Variants in FBXW7 observed in about 807,000 individuals in gnomAD.
FBXW7 encodes the protein F-box and WD repeat domain containing 7.
In FBXW7, 11 loss-of-function variants were observed where a neutral mutation model predicts 86.3. The observed-to-expected ratio is 0.13, with a 90% CI of 0.08 to 0.21. The LOEUF (loss-of-function observed/expected upper bound fraction) is 0.21. Among genes scored for constraint, FBXW7 ranks in the 10% least tolerant of loss-of-function variants. The probability of loss-of-function intolerance (pLI) is 1.00; values close to 1 mark genes in which losing one functional copy is unlikely to be tolerated. For synonymous variants in FBXW7, 313 were observed against 297.9 expected (o/e 1.05, Z -0.52); for missense variants, 488 against 847.4 (o/e 0.58, Z 5.27).
intron 2 of FBXW7, among the ~76,000 whole-genome samples, chr4:152,518,117 T>C (rs758093904): frequency 6.6e-6 from 1 of 151,898 alleles, no homozygotes; most frequent in African/African-American, 2.4e-5. Flanking sequence ...GCCTCCAGAG[T>C]AGCTGGGATT....
Position 152,332,675 on chromosome 4 carries a change from T to C in FBXW7, c.906A>G (p.Leu302=). The change falls in exon 8 of 14, where the codon CTA becomes CTG. Residue 302 remains leucine, a synonymous_variant. Transcript: ENST00000281708. ...AGTAGCGACATGTCTGAGCTGCTTG[T>C]AGCAGGTCTTTGGGTTCCAGGAATG... ...VLSFLEPKDL[L]QAAQTCRYWR... is the part of the protein sequence containing the mutation. 2 of 1,602,800 alleles carry C rather than the reference T, an allele frequency of 1.2e-6. No homozygotes were observed. Among genetic ancestry groups the C allele is most frequent in the South Asian group, 2.2e-5 (2 of 90,312 alleles).
intron 2 of FBXW7, among the ~76,000 whole-genome samples, chr4:152,522,899 A>G (rs2149734016): frequency 6.6e-6 from 1 of 152,336 alleles, no homozygotes; most frequent in East Asian, 1.9e-4. Context: ...AACCCAAACA[A>G]TGATGGCTCA....
intron 10 of FBXW7, 50 bp downstream of exon 10, chr4:152,329,622 T>C (rs377714653): frequency 6.1e-5 from 54 of 880,306 alleles, no homozygotes; most frequent in African/African-American, 8.8e-5. Context: ...CTACTTGCAA[T>C]GATATACACA....
At chr4:152,338,686 C>T (rs564033204) in intron 6 of FBXW7, among the ~76,000 whole-genome samples, 15 of 151,982 alleles carry the variant, frequency 9.9e-5, no homozygotes, top group Non-Finnish European at 1.9e-4. Flanking sequence ...GTGAAGAACA[C>T]CTGCACAGAA....
At chr4:152,331,130 G>A (rs1219644780) in intron 8 of FBXW7, among the ~76,000 whole-genome samples, 3 of 151,960 alleles carry the variant, frequency 2.0e-5, no homozygotes, top group Non-Finnish European at 1.5e-5. Flanking sequence ...TGAGGAAATT[G>A]GAATGCTTGT....
chr4:152,474,228 T>C (rs535568482), intron 2 of FBXW7, among the ~76,000 whole-genome samples: 1 of 152,364 alleles, frequency 6.6e-6, no homozygotes, highest in South Asian at 2.1e-4. Flanking sequence ...CCTTAAAAGA[T>C]GCACAATGAA....
intron 4 of FBXW7, among the ~76,000 whole-genome samples, chr4:152,357,136 T>C (rs1049216933): frequency 6.6e-6 from 1 of 152,112 alleles, no homozygotes; most frequent in African/African-American, 2.4e-5. Context: ...ACTAGTGCCT[T>C]AGAAAAAAAT....
intron 2 of FBXW7, among the ~76,000 whole-genome samples, chr4:152,487,037 A>C (rs1399495977): frequency 6.6e-6 from 1 of 152,160 alleles, no homozygotes; most frequent in Non-Finnish European, 1.5e-5. Context: ...ATTTTAGTTC[A>C]CCGAATTAAT....
chr4:152,422,010 A>G (rs141996156), intron 2 of FBXW7, among the ~76,000 whole-genome samples: 75 of 152,262 alleles, frequency 4.9e-4, no homozygotes, highest in Middle Eastern at 3.4e-3. Flanking sequence ...GGACACAGAG[A>G]CACACAGTGA....
chr4:152,362,339 A>T (rs2126702778), intron 4 of FBXW7, among the ~76,000 whole-genome samples: 1 of 152,300 alleles, frequency 6.6e-6, no homozygotes. Flanking sequence ...AATAGTCTAA[A>T]TCTACCCAAA....
chr4:152,394,355 A>G (rs932134938), intron 4 of FBXW7, among the ~76,000 whole-genome samples: 1 of 152,128 alleles, frequency 6.6e-6, no homozygotes, highest in Admixed American at 6.6e-5. Context: ...GAACATTTTC[A>G]TATGAGTACT....
At chr4:152,493,396 C>T (rs796176333) in intron 2 of FBXW7, among the ~76,000 whole-genome samples, 38 of 152,202 alleles carry the variant, frequency 2.5e-4, no homozygotes, top group African/African-American at 8.9e-4. Context: ...AACTCCTGAC[C>T]TCAGGTGATC....
At chr4:152,343,298 A>T (rs1385399005) in intron 6 of FBXW7, among the ~76,000 whole-genome samples, 1 of 152,150 alleles carries the variant, frequency 6.6e-6, no homozygotes, top group Admixed American at 6.5e-5. Flanking sequence ...TCATAGCAAT[A>T]CTGTGAAGCT....
intron 2 of FBXW7, among the ~76,000 whole-genome samples, chr4:152,520,623 A>T (rs1175118562): frequency 6.6e-6 from 1 of 152,104 alleles, no homozygotes; most frequent in Non-Finnish European, 1.5e-5. Context: ...TCCTTATTTA[A>T]CACTGTTACT....
chr4:152,522,391 C>T (rs965487682), intron 2 of FBXW7, among the ~76,000 whole-genome samples: 5 of 152,208 alleles, frequency 3.3e-5, no homozygotes, highest in African/African-American at 1.2e-4. Context: ...AACCTTCTTA[C>T]ATGTCTGTCT....
At chr4:152,341,566 A>AT (rs1291932436) in intron 6 of FBXW7, among the ~76,000 whole-genome samples, 12 of 152,360 alleles carry the variant, frequency 7.9e-5, no homozygotes, top group South Asian at 6.2e-4. Context: ...TGCTTAATAA[A>AT]TGTTTACTGA....
At chr4:152,404,141 G>T (rs980823520) in intron 4 of FBXW7, among the ~76,000 whole-genome samples, 1 of 152,126 alleles carries the variant, frequency 6.6e-6, no homozygotes, top group Non-Finnish European at 1.5e-5. Context: ...AATAGGGGAA[G>T]GTTTCCACTA....
chr4:152,528,450 T>C (rs1465669674), intron 2 of FBXW7, among the ~76,000 whole-genome samples: 1 of 152,206 alleles, frequency 6.6e-6, no homozygotes, highest in Non-Finnish European at 1.5e-5. Flanking sequence ...GCTCTCATAT[T>C]TTCTTCTTAT....
At chr4:152,398,537 A>G (rs1055651598) in intron 4 of FBXW7, among the ~76,000 whole-genome samples, 1 of 151,988 alleles carries the variant, frequency 6.6e-6, no homozygotes, top group African/African-American at 2.4e-5. Context: ...GTAATGCTAA[A>G]TGAAAAAAAA....
Sources: allele counts gnomAD v4.1 joint callset (sites outside exome capture counted in the v4.1 genomes callset), GRCh38; gene constraint gnomAD v4.1.1; transcripts MANE v1.5; gene names NCBI Gene and HGNC (gene_info 2026-07-23, HGNC 2026-07-21).